The following ARL6IP1 variants were observed in gnomAD, a reference collection of about 807,000 sequenced individuals.
The protein encoded by ARL6IP1 is ARL6 interacting reticulophagy regulator 1.
ARL6IP1 carries 16 observed loss-of-function variants against 30.1 expected under a neutral mutation model. The ratio of observed to expected loss-of-function variants is 0.53; its 90% confidence interval spans 0.36 to 0.81. The LOEUF (loss-of-function observed/expected upper bound fraction) is 0.81, where lower values mean the gene tolerates loss of function less well. Ranked by LOEUF, ARL6IP1 falls within the 30% of genes least tolerant of loss-of-function variation. The pLI, the probability that ARL6IP1 is intolerant of heterozygous loss-of-function variation, is 0.01. For missense variants in ARL6IP1, 173 were observed against 242.7 expected (o/e 0.71, Z 1.91); for synonymous variants, 72 against 84.8 (o/e 0.85, Z 0.83).
rs76014497 is a variant in ARL6IP1 at position 18,800,360 on chromosome 16, T to C, written c.36+1071A>G. On this transcript the variant is annotated intron_variant, in intron 1 of 5. Coordinates refer to ENST00000304414, the MANE Select transcript of ARL6IP1 (RefSeq NM_015161.3). ...AGGCGTTGCTTTCCTTAGAGTTATA[T>C]TGCTCTGCTGGAAGGAGAGTTGGGA... 8.4e-3 allele frequency among the ~76,000 whole-genome samples: 1,279 copies of C among 152,318 alleles called. 13 individuals carry two copies. Among genetic ancestry groups the C allele is most frequent in the Non-Finnish European group, 0.014 (925 of 68,020 alleles).
Position 18,801,431 on chromosome 16 carries a change from C to T in ARL6IP1, c.36G>A (p.Leu12=), listed in dbSNP as rs2030408424. Residue 12 remains leucine, a splice_region_variant and synonymous_variant, in exon 1 of 6, where the codon CTG becomes CTA. Transcript: ENST00000304414. ...CGGGGGACAGGCAGCCAGGACTCACCAGCAGGTTGGTGCTGCGATTATCTC... is the reference window on the plus strand; with the variant it reads ...CGGGGGACAGGCAGCCAGGACTCACTAGCAGGTTGGTGCTGCGATTATCTC... ...AEGDNRSTNL[L]AAETASLEEQ... The T allele has an allele frequency of 6.2e-7, 1 of 1,612,786 alleles. No homozygotes were observed. The highest frequency in any genetic ancestry group is 1.1e-5 in the South Asian group (1 of 90,838).
intron 4 of ARL6IP1, 76 bp downstream of exon 4, chr16:18,795,388 T>C (rs1432346948): frequency 1.1e-6 from 1 of 945,626 alleles, no homozygotes; most frequent in Non-Finnish European, 1.6e-6. Flanking sequence ...TTTCAAATTA[T>C]AGCTATTAAG....
At chr16:18,798,673 A>G (rs375393327) in intron 2 of ARL6IP1, 28 bp downstream of exon 2, 26 of 1,610,968 alleles carry the variant, frequency 1.6e-5, no homozygotes, top group Non-Finnish European at 2.2e-5. Context: ...AAGAAGCACA[A>G]CCCATAGTAA....
chr16:18,799,963 T>TG (rs1165083549), intron 1 of ARL6IP1, among the ~76,000 whole-genome samples: 1 of 152,150 alleles, frequency 6.6e-6, no homozygotes, highest in Admixed American at 6.5e-5. Context: ...ACCCAGCACT[T>TG]GGCGGGTCGG....
intron 2 of ARL6IP1, 54 bp downstream of exon 2, chr16:18,798,647 A>G: frequency 6.3e-7 from 1 of 1,575,258 alleles, no homozygotes; most frequent in Non-Finnish European, 8.6e-7. Flanking sequence ...CTATATATTA[A>G]AAAGTCTTTA....
At position 18,792,001 on chromosome 16, in the gene ARL6IP1, T is replaced by G. The variant is rs2030083139; in HGVS notation, c.*1251A>C. 6.5e-6 allele frequency: 1 copy of G among 152,764 alleles called. No homozygotes were observed. Among genetic ancestry groups the G allele is most frequent in the African/African-American group, 2.4e-5 (1 of 41,578 alleles). The allele number at this position is 152,764 out of a possible 1,614,324, so 9.5% of individuals were successfully genotyped here. A position where few individuals can be genotyped will look rare whatever the true frequency, so the allele number is the denominator to read the frequency against. ...TTCACAAAACTATATTACAGCTAGTTAATCAGTTTAAGAATTGTTCCCGTC... is the reference window on the plus strand; with the variant it reads ...TTCACAAAACTATATTACAGCTAGTGAATCAGTTTAAGAATTGTTCCCGTC... On this transcript the variant is annotated 3_prime_UTR_variant, in exon 6 of 6. Coordinates refer to ENST00000304414, the MANE Select transcript of ARL6IP1 (RefSeq NM_015161.3).
rs748214929 is a variant in ARL6IP1, at chr16:18,793,213, A to G, written c.*39T>C. The G allele has an allele frequency of 2.2e-6, 3 of 1,368,956 alleles. No individual in the cohort carries two copies. The highest frequency in any genetic ancestry group is 1.2e-5 in the South Asian group (1 of 82,322). 84.8% of individuals were successfully genotyped at this position (1,368,956 alleles called of 1,614,324 possible). A position where few individuals can be genotyped will look rare whatever the true frequency, so the allele number is the denominator to read the frequency against. On this transcript the variant is annotated 3_prime_UTR_variant, in exon 6 of 6. Coordinates refer to ENST00000304414, the MANE Select transcript of ARL6IP1 (RefSeq NM_015161.3). ...TACAGCAGAAACGGTTCCCGGGGCA[A>G]TGGGTGCTGCATTAATCACACTGAT...
At position 18,801,547 on chromosome 16, in the gene ARL6IP1, C is replaced by T. The variant is rs1221599229; in HGVS notation, c.-81G>A. On this transcript the variant is annotated 5_prime_UTR_variant, in exon 1 of 6. Transcript: ENST00000304414. ...ACCGAAACCCGCACACCAACCACAACCCGAGGGAACGCCCCGCAGGCTGCT... is the reference window on the plus strand; with the variant it reads ...ACCGAAACCCGCACACCAACCACAATCCGAGGGAACGCCCCGCAGGCTGCT... The T allele has an allele frequency of 2.6e-6, 4 of 1,562,496 alleles. No homozygotes were observed. The highest frequency in any genetic ancestry group is 1.4e-5 in the African/African-American group (1 of 74,062).
chr16:18,798,669 C>T, intron 2 of ARL6IP1, 32 bp downstream of exon 2: 1 of 1,602,278 alleles, frequency 6.2e-7, no homozygotes, highest in Non-Finnish European at 8.5e-7. Flanking sequence ...TAATAAGAAG[C>T]ACAACCCATA....
chr16:18,794,957 A>G (rs2030185699), intron 4 of ARL6IP1, among the ~76,000 whole-genome samples: 1 of 151,938 alleles, frequency 6.6e-6, no homozygotes, highest in Non-Finnish European at 1.5e-5. Context: ...TAATAACTTC[A>G]CGGAACAGCC....
chr16:18,794,785 G>T, intron 4 of ARL6IP1, 102 bp from the exon 5 acceptor site: 1 of 796,036 alleles, frequency 1.3e-6, no homozygotes, highest in Non-Finnish European at 1.9e-6. Context: ...TCAAAGTTCG[G>T]GAAATAATTT....
rs1024320033 is a variant in ARL6IP1 at position 18,792,767 on chromosome 16, A to T, written c.*485T>A. On this transcript the variant is annotated 3_prime_UTR_variant, in exon 6 of 6. Coordinates refer to ENST00000304414, the MANE Select transcript of ARL6IP1 (RefSeq NM_015161.3). Reference sequence around the variant, plus strand: ...AGAAACAGAATGAGGAATGAATCTTAATTGGTCTCTTCATCAGAAGTGGTA... The same window carrying T: ...AGAAACAGAATGAGGAATGAATCTTTATTGGTCTCTTCATCAGAAGTGGTA... 9 of 152,696 alleles carry T rather than the reference A, an allele frequency of 5.9e-5. No homozygotes were observed. The highest frequency in any genetic ancestry group is 1.9e-4 in the African/African-American group (8 of 41,450). The allele number at this position is 152,696 out of a possible 1,614,324, so 9.5% of individuals were successfully genotyped here. A position where few individuals can be genotyped will look rare whatever the true frequency, so the allele number is the denominator to read the frequency against.
In ARL6IP1 at chr16:18,801,504, T is replaced by C. The variant is rs191303026; in HGVS notation, c.-38A>G. 1.8e-4 allele frequency: 285 copies of C among 1,605,612 alleles called. 1 individual carries two copies. The East Asian group carries it at 4.7e-3, about 27-fold the overall frequency. On this transcript the variant is annotated 5_prime_UTR_variant, in exon 1 of 6. Coordinates refer to ENST00000304414, the MANE Select transcript of ARL6IP1 (RefSeq NM_015161.3). ...GCAGTCTCTACAAGCGCAGGCCACCTCCCCAACGAGTCCTCCAACCGAAAC... is the reference window on the plus strand; with the variant it reads ...GCAGTCTCTACAAGCGCAGGCCACCCCCCCAACGAGTCCTCCAACCGAAAC...
intron 2 of ARL6IP1, 73 bp downstream of exon 2, chr16:18,798,628 A>C (rs2030314817): frequency 2.6e-6 from 4 of 1,519,804 alleles, no homozygotes; most frequent in Non-Finnish European, 3.5e-6. Flanking sequence ...GCACTCCCAC[A>C]AACAGAAGCT....
At chr16:18,800,423 G>A (rs1463858593) in intron 1 of ARL6IP1, among the ~76,000 whole-genome samples, 3 of 152,110 alleles carry the variant, frequency 2.0e-5, no homozygotes, top group African/African-American at 7.2e-5. Flanking sequence ...ATTTCAACAG[G>A]GCTTGAGCTA....
chr16:18,798,677 A>G (rs1238017500), intron 2 of ARL6IP1, 24 bp downstream of exon 2: 2 of 1,612,100 alleles, frequency 1.2e-6, no homozygotes, highest in East Asian at 2.2e-5. Flanking sequence ...AGCACAACCC[A>G]TAGTAATCTA....
In ARL6IP1 at chr16:18,801,098, C is replaced by T. The variant is rs1405046274; in HGVS notation, c.36+333G>A. The T allele has an allele frequency of 2.9e-6, 3 of 1,041,434 alleles. No homozygotes were observed. In the African/African-American group the frequency reaches 5.0e-5, roughly 17 times the overall value. The allele number at this position is 1,041,434 out of a possible 1,614,324, so 64.5% of individuals were successfully genotyped here. A position where few individuals can be genotyped will look rare whatever the true frequency, so the allele number is the denominator to read the frequency against. On this transcript the variant is annotated intron_variant, in intron 1 of 5. Transcript: ENST00000304414. ...AGCCGAATACGGCTGGGGCCTGAGC[C>T]GCGAAAGCGCTGGACAGGCCCCAGG... is the stretch of plus-strand genomic sequence containing the variant.
At chr16:18,801,068 G>A (rs2030393359) in intron 1 of ARL6IP1, 1 of 707,600 alleles carries the variant, frequency 1.4e-6, no homozygotes, top group Non-Finnish European at 1.9e-6. Flanking sequence ...ATCAAAGACG[G>A]GGAAAGCCGA....
In ARL6IP1 at chr16:18,794,586, C is replaced by G; in HGVS notation, c.493+13G>C. 1 of 1,608,726 alleles carries G rather than the reference C, an allele frequency of 6.2e-7. No individual in the cohort carries two copies. The highest frequency in any genetic ancestry group is 8.5e-7 in the Non-Finnish European group (1 of 1,176,026). The stretch of plus-strand genomic sequence containing the variant: ...GGCCAGGATGTGCCTGTAGTTTTTC[C>G]TCAAAGACTTACCTATCAGGTAGGT... On this transcript the variant is annotated intron_variant, in intron 5 of 5. Transcript: ENST00000304414.
Sources: gnomAD v4.1 joint callset for allele counts (sites outside exome capture counted in the v4.1 genomes callset) on GRCh38, gnomAD v4.1.1 for gene constraint, MANE v1.5 for transcripts, NCBI Gene and HGNC (gene_info 2026-07-23, HGNC 2026-07-21) for gene names.